The following EP400 variants were observed in gnomAD, a reference collection of about 807,000 sequenced individuals.
EP400 encodes E1A-binding protein p400.
Under a neutral mutation model 354.1 loss-of-function variants are expected in EP400, and 105 were observed. That is an observed-to-expected ratio of 0.30 (90% confidence interval 0.25 to 0.35). The LOEUF (loss-of-function observed/expected upper bound fraction) is 0.35, where lower values mean the gene tolerates loss of function less well. Ranked by LOEUF, EP400 falls within the 10% of genes least tolerant of loss-of-function variation. The pLI, the probability that EP400 is intolerant of heterozygous loss-of-function variation, is 1.00. For synonymous variants in EP400, 1,646 were observed against 1,716.9 expected (o/e 0.96, Z 1.02); for missense variants, 3,280 against 4,121.0 (o/e 0.80, Z 5.59).
intron 45 of EP400, among the ~76,000 whole-genome samples, chr12:132,060,570 A>G (rs1168996485): frequency 1.3e-5 from 2 of 152,194 alleles, no homozygotes; most frequent in African/African-American, 4.8e-5. Flanking sequence ...TTGTCGTGCC[A>G]GGGAAAGAAA....
At chr12:132,060,032 A>T (rs1159293489) in intron 45 of EP400, among the ~76,000 whole-genome samples, 1 of 152,174 alleles carries the variant, frequency 6.6e-6, no homozygotes, top group African/African-American at 2.4e-5. Flanking sequence ...AAAAAAAAAA[A>T]AAGTTATGCT....
In EP400 at chr12:132,013,462, C is replaced by A. The variant is rs751876088; in HGVS notation, c.3612-28C>A. ...CAGCCAGCCCCGTGGCTGTAGAACTCCAGTGTTGTCTCTTGTCCTGTTTGC... is the reference window on the plus strand; with the variant it reads ...CAGCCAGCCCCGTGGCTGTAGAACTACAGTGTTGTCTCTTGTCCTGTTTGC... On this transcript the variant is annotated intron_variant, in intron 17 of 52. Transcript: ENST00000389561. The surrounding 1 kb of genome is among the most constrained non-coding windows in gnomAD (Gnocchi z 4.5). 1 of 1,530,862 alleles carries A rather than the reference C, an allele frequency of 6.5e-7. No individual in the cohort carries two copies. Among genetic ancestry groups the A allele is most frequent in the Non-Finnish European group, 8.8e-7 (1 of 1,138,850 alleles). The allele number at this position is 1,530,862 out of a possible 1,614,324, so 94.8% of individuals were successfully genotyped here. A position where few individuals can be genotyped will look rare whatever the true frequency, so the allele number is the denominator to read the frequency against.
intron 39 of EP400, among the ~76,000 whole-genome samples, chr12:132,046,769 C>T (rs1426713540): frequency 6.6e-6 from 1 of 152,236 alleles, no homozygotes; most frequent in Admixed American, 6.5e-5. Context: ...CCTTTCTCGC[C>T]TCAGGACAGC....
In EP400 at chr12:132,050,266, C is replaced by A; in HGVS notation, c.7201-57C>A. On this transcript the variant is annotated intron_variant, in intron 39 of 52. Coordinates refer to ENST00000389561, the MANE Select transcript of EP400 (RefSeq NM_015409.5). This position sits in a 1 kb window ranked among gnomAD's most constrained non-coding sequence, Gnocchi z 4.8. ...CCCACCCAGTGAGCCCTGTGTCCCACGCAGCCGTCTGTCCATGCTGCCTAA... is the reference window on the plus strand; with the variant it reads ...CCCACCCAGTGAGCCCTGTGTCCCAAGCAGCCGTCTGTCCATGCTGCCTAA... 6.3e-7 allele frequency: 1 copy of A among 1,595,324 alleles called. No individual in the cohort carries two copies. Among genetic ancestry groups the A allele is most frequent in the Middle Eastern group, 1.7e-4 (1 of 5,984 alleles).
At chr12:131,973,519 C>T (rs912453305) in intron 2 of EP400, among the ~76,000 whole-genome samples, 6 of 152,084 alleles carry the variant, frequency 3.9e-5, no homozygotes, top group Admixed American at 1.3e-4. Flanking sequence ...GGCGTGTTCC[C>T]GTACTCCCAG....
chr12:132,018,245 A>G lies in EP400; in HGVS notation c.4146A>G (p.Leu1382=). 1 of 1,613,310 alleles carries G rather than the reference A, an allele frequency of 6.2e-7. No homozygotes were observed. The highest frequency in any genetic ancestry group is 8.5e-7 in the Non-Finnish European group (1 of 1,179,814). ...ADLSMFDLIG[L]ENKITRHEAE... ...TTTCTATGTTTGATCTCATCGGCTT[A>G]GAAAATAAAATCACTCGTCACGAGG... is the stretch of plus-strand genomic sequence containing the variant. The change falls in exon 21 of 53, where the codon TTA becomes TTG. Residue 1382 remains leucine (L), a synonymous_variant. Transcript: ENST00000389561. This position sits in a 1 kb window ranked among gnomAD's most constrained non-coding sequence, Gnocchi z 4.0.
chr12:131,968,018 A>G (rs903762339), intron 2 of EP400, among the ~76,000 whole-genome samples: 12 of 152,086 alleles, frequency 7.9e-5, no homozygotes, highest in Admixed American at 1.3e-4. Context: ...TGTCAGCTAC[A>G]TGTTTTGCAA....
At position 132,041,047 on chromosome 12, in the gene EP400, G is replaced by T. The variant is rs555432911; in HGVS notation, c.6208-2257G>T. 7.1e-4 allele frequency among the ~76,000 whole-genome samples: 108 copies of T among 152,338 alleles called. 1 individual carries two copies. Among genetic ancestry groups the T allele is most frequent in the African/African-American group, 2.5e-3 (106 of 41,572 alleles). The stretch of plus-strand genomic sequence containing the variant: ...GACAGAGCCAGCAGGACTTGCTGCA[G>T]TGGGTGTGTGAGGAGGATGGCTGCT... On this transcript the variant is annotated intron_variant, in intron 32 of 52. Coordinates refer to ENST00000389561, the MANE Select transcript of EP400 (RefSeq NM_015409.5).
At chr12:132,023,551 A>G (rs1197215237) in intron 23 of EP400, among the ~76,000 whole-genome samples, 2 of 152,014 alleles carry the variant, frequency 1.3e-5, no homozygotes, top group African/African-American at 2.4e-5. Context: ...ATCCCAACCA[A>G]TTATGGTTAA....
chr12:132,003,204 A>C (rs1028950246), intron 12 of EP400, among the ~76,000 whole-genome samples: 7 of 151,466 alleles, frequency 4.6e-5, no homozygotes, highest in Admixed American at 6.6e-5. Flanking sequence ...AAAAAAAAAA[A>C]AACAGCCAAC....
At chr12:131,957,815 C>T (rs986723603) in intron 1 of EP400, among the ~76,000 whole-genome samples, 19 of 152,136 alleles carry the variant, frequency 1.2e-4, no homozygotes, top group African/African-American at 4.3e-4. Context: ...AGGCTGGTGT[C>T]GAACTCCTGA....
At chr12:131,976,201 A>G in intron 2 of EP400, among the ~76,000 whole-genome samples, 1 of 152,152 alleles carries the variant, frequency 6.6e-6, no homozygotes, top group East Asian at 1.9e-4. Context: ...TCACTTTAAT[A>G]TCCTTGCCTG....
At chr12:131,957,624 T>A (rs1282749133) in intron 1 of EP400, among the ~76,000 whole-genome samples, 1 of 151,810 alleles carries the variant, frequency 6.6e-6, no homozygotes, top group Admixed American at 6.6e-5. Context: ...TGAGACAGTT[T>A]TGGTTTTGTT....
rs777029601 is a variant in EP400 at position 132,067,354 on chromosome 12, G to C, written c.8750-8G>C. The C allele has an allele frequency of 4.3e-5, 69 of 1,611,062 alleles. No individual in the cohort carries two copies. The South Asian group carries it at 7.4e-4, about 17-fold the overall frequency. On this transcript the variant is annotated splice_region_variant and splice_polypyrimidine_tract_variant and intron_variant, in intron 49 of 52. Coordinates refer to ENST00000389561, the MANE Select transcript of EP400 (RefSeq NM_015409.5). The surrounding 1 kb of genome is among the most constrained non-coding windows in gnomAD (Gnocchi z 5.3). ...GTGTGCTGACTAAGGGGCTTTTGCT[G>C]CCTGCAGGACAGACCGTGGTGGCCC...
At chr12:132,040,369 A>G (rs1037572640) in intron 32 of EP400, among the ~76,000 whole-genome samples, 1 of 152,060 alleles carries the variant, frequency 6.6e-6, no homozygotes, top group Non-Finnish European at 1.5e-5. Flanking sequence ...TGCTGGGTGT[A>G]TATCCAAAGA....
chr12:132,064,128 C>T (rs1051580134), intron 47 of EP400, among the ~76,000 whole-genome samples: 12 of 151,968 alleles, frequency 7.9e-5, no homozygotes, highest in South Asian at 4.2e-4. Flanking sequence ...TCACCTGCCC[C>T]GGTTCAACCA....
At chr12:132,033,089 A>G (rs1894578788) in intron 30 of EP400, among the ~76,000 whole-genome samples, 1 of 152,134 alleles carries the variant, frequency 6.6e-6, no homozygotes, top group African/African-American at 2.4e-5. Flanking sequence ...CTGAGGTTAC[A>G]GGTGCGCGCC....
chr12:132,047,869 C>T (rs971610540), intron 39 of EP400, among the ~76,000 whole-genome samples: 1 of 146,892 alleles, frequency 6.8e-6, no homozygotes, highest in African/African-American at 2.4e-5. Flanking sequence ...ACAGCTGCCC[C>T]CAAAGCGGCC....
chr12:131,951,682 A>G (rs768027642), intron 1 of EP400, among the ~76,000 whole-genome samples: 3 of 152,030 alleles, frequency 2.0e-5, no homozygotes, highest in Non-Finnish European at 2.9e-5. Flanking sequence ...GCTCACTGCA[A>G]CCTCTGCCTG....
Sources: allele counts gnomAD v4.1 joint callset (sites outside exome capture counted in the v4.1 genomes callset), GRCh38; gene constraint gnomAD v4.1.1; non-coding constraint Gnocchi (gnomAD v3.1); transcripts MANE v1.5; gene names NCBI Gene and HGNC (gene_info 2026-07-23, HGNC 2026-07-21).